ZHX2: variants seen among roughly 807,000 people sequenced by gnomAD.
The protein encoded by ZHX2 is zinc fingers and homeoboxes 2.
ZHX2 carries 6 observed loss-of-function variants against 21.9 expected under a neutral mutation model. That is an observed-to-expected ratio of 0.27 (90% confidence interval 0.15 to 0.54). ZHX2 has a LOEUF of 0.54. ZHX2 is among the 20% of genes least tolerant of loss of function. The pLI is 0.95. For synonymous variants in ZHX2, 434 were observed against 437.1 expected, an observed-to-expected ratio of 0.99 and a Z score of 0.09; for missense variants, 908 against 1,090.7, an observed-to-expected ratio of 0.83 and a Z score of 2.36.
intron 1 of ZHX2, among the ~76,000 whole-genome samples, chr8:122,818,359 C>T (rs776776406): frequency 1.3e-5 from 2 of 152,096 alleles, no homozygotes; most frequent in African/African-American, 2.4e-5. Flanking sequence ...TCATACCCCT[C>T]GTGTCTGCAA....
At chr8:122,896,883 G>C (rs1420778468) in intron 2 of ZHX2, among the ~76,000 whole-genome samples, 1 of 152,246 alleles carries the variant, frequency 6.6e-6, no homozygotes, top group African/African-American at 2.4e-5. Context: ...CTGGGAATTA[G>C]ATGAGAAATG....
intron 2 of ZHX2, among the ~76,000 whole-genome samples, chr8:122,927,978 T>C (rs962945581): frequency 6.6e-6 from 1 of 152,160 alleles, no homozygotes; most frequent in Non-Finnish European, 1.5e-5. Flanking sequence ...GCCCTCAGGA[T>C]AAACACTACT....
At chr8:122,809,507 CA>C (rs34611607) in intron 1 of ZHX2, among the ~76,000 whole-genome samples, 3 of 140,470 alleles carry the variant, frequency 2.1e-5, no homozygotes, top group East Asian at 2.0e-4. Flanking sequence ...CTCAAAAGAA[CA>C]AAAAAAAAGA....
At chr8:122,909,710 G>A (rs1268807482) in intron 2 of ZHX2, among the ~76,000 whole-genome samples, 2 of 152,044 alleles carry the variant, frequency 1.3e-5, no homozygotes, top group Non-Finnish European at 2.9e-5. Context: ...TCCAGCCTCC[G>A]GAGTGATCCT....
At chr8:122,809,993 A>G (rs139150344) in intron 1 of ZHX2, among the ~76,000 whole-genome samples, 1,590 of 152,294 alleles carry the variant, frequency 0.01, 9 homozygotes, top group Middle Eastern at 0.02. Context: ...GGTTTTCATT[A>G]TAAGCCCCTA....
rs115520497 is a variant in ZHX2 at position 122,968,105 on chromosome 8, T to G, written c.*5-5137T>G. On this transcript the variant is annotated intron_variant, in intron 3 of 3. Transcript: ENST00000314393. ...AAAAGTGGTGGAGCTGGAATTCAAATCCACCCCTACACCCACACATGTAAG... is the reference window on the plus strand; with the variant it reads ...AAAAGTGGTGGAGCTGGAATTCAAAGCCACCCCTACACCCACACATGTAAG... Among the ~76,000 whole-genome samples, 657 of 152,206 alleles carry G rather than the reference T, an allele frequency of 4.3e-3. 4 individuals are homozygous for G. The highest frequency in any genetic ancestry group is 0.015 in the African/African-American group (611 of 41,526).
intron 1 of ZHX2, among the ~76,000 whole-genome samples, chr8:122,855,759 A>G (rs889945234): frequency 6.6e-6 from 1 of 152,190 alleles, no homozygotes; most frequent in Non-Finnish European, 1.5e-5. Flanking sequence ...AAAACATTTA[A>G]TAAAGGGTTT....
intron 1 of ZHX2, among the ~76,000 whole-genome samples, chr8:122,835,417 G>A (rs563835868): frequency 2.0e-5 from 3 of 152,330 alleles, no homozygotes; most frequent in Admixed American, 6.5e-5. Context: ...GGCGTAAGGT[G>A]GTGGGATGGG....
chr8:122,811,771 G>A (rs7820994), intron 1 of ZHX2, among the ~76,000 whole-genome samples: 151,904 of 152,372 alleles, frequency 1, 75,719 homozygotes, highest in Middle Eastern at 1. Context: ...TCTCGTGGAA[G>A]GAAAATGTGT....
chr8:122,882,499 C>T (rs559822496), intron 2 of ZHX2, among the ~76,000 whole-genome samples: 3 of 152,182 alleles, frequency 2.0e-5, no homozygotes, highest in Non-Finnish European at 4.4e-5. Context: ...TGGACAATAA[C>T]GAAATATACA....
intron 2 of ZHX2, among the ~76,000 whole-genome samples, chr8:122,884,520 C>A (rs1379668062): frequency 6.6e-6 from 1 of 152,176 alleles, no homozygotes; most frequent in Non-Finnish European, 1.5e-5. Flanking sequence ...TTGCTGGTGT[C>A]ACAAATCCCC....
chr8:122,879,529 G>A (rs1011932294), intron 2 of ZHX2, among the ~76,000 whole-genome samples: 6 of 150,116 alleles, frequency 4.0e-5, no homozygotes, highest in East Asian at 2.0e-4. Flanking sequence ...TTAATTCTGC[G>A]TCATTTTTTT....
chr8:122,863,340 C>T (rs113664023), intron 1 of ZHX2, 137 bp from the exon 2 acceptor site: 6,140 of 150,376 alleles, frequency 0.041, 177 homozygotes, highest in Non-Finnish European at 0.059. Flanking sequence ...TAATGAGCGG[C>T]TCAGTCCTCA....
In ZHX2 at chr8:122,818,581, A is replaced by T. The variant is rs377486405; in HGVS notation, c.-283+36635A>T. Among the ~76,000 whole-genome samples, 3 of 152,282 alleles carry T rather than the reference A, an allele frequency of 2.0e-5. No individual in the cohort carries two copies. The East Asian group carries it at 5.8e-4, about 29-fold the overall frequency. On this transcript the variant is annotated intron_variant, in intron 1 of 3. Coordinates refer to ENST00000314393, the MANE Select transcript of ZHX2 (RefSeq NM_014943.5). ...ATGAGGCCTAAATGAGGGCGTATCT[A>T]TATGGAGACAGCACTTGGCCTGGGG...
intron 2 of ZHX2, among the ~76,000 whole-genome samples, chr8:122,881,653 G>T (rs1819715614): frequency 1.3e-5 from 2 of 152,298 alleles, no homozygotes; most frequent in Admixed American, 1.3e-4. Flanking sequence ...ACCGCAAAAG[G>T]CATCTCATGA....
At chr8:122,895,743 GAAA>G (rs5894646) in intron 2 of ZHX2, among the ~76,000 whole-genome samples, 1 of 125,128 alleles carries the variant, frequency 8.0e-6, no homozygotes, top group Non-Finnish European at 1.7e-5. Flanking sequence ...ATGGTGTGGG[GAAA>G]AAAAAAAAAA....
chr8:122,925,759 T>G (rs1286068405), intron 2 of ZHX2, among the ~76,000 whole-genome samples: 1 of 152,170 alleles, frequency 6.6e-6, no homozygotes. Context: ...CCAGGCTCTC[T>G]AAGCAGGGCT....
At chr8:122,896,920 G>GTTGT (rs1294395553) in intron 2 of ZHX2, among the ~76,000 whole-genome samples, 1 of 152,216 alleles carries the variant, frequency 6.6e-6, no homozygotes, top group East Asian at 1.9e-4. Context: ...ACTCAGAAAA[G>GTTGT]TTGTTTAACT....
chr8:122,885,383 C>A (rs1223150356), intron 2 of ZHX2, among the ~76,000 whole-genome samples: 2 of 152,196 alleles, frequency 1.3e-5, no homozygotes, highest in African/African-American at 4.8e-5. Context: ...GTGATCAAAG[C>A]AAACTCATCC....
Sources: allele counts gnomAD v4.1 joint callset (sites outside exome capture counted in the v4.1 genomes callset), GRCh38; gene constraint gnomAD v4.1.1; transcripts MANE v1.5; gene names NCBI Gene and HGNC (gene_info 2026-07-23, HGNC 2026-07-21).